The following PIK3CB variants were observed in gnomAD, a reference collection of about 807,000 sequenced individuals.
PIK3CB encodes the protein phosphatidylinositol 4,5-bisphosphate 3-kinase catalytic subunit beta isoform.
A neutral mutation model predicts 136.8 loss-of-function variants in PIK3CB; 39 were observed. That is an observed-to-expected ratio of 0.29 (90% CI 0.22 to 0.37). The LOEUF (loss-of-function observed/expected upper bound fraction) is 0.37. Ranked by LOEUF, PIK3CB falls within the 10% of genes least tolerant of loss-of-function variation. The pLI is 1.00. For synonymous variants in PIK3CB, 428 were observed against 436.6 expected (o/e 0.98, Z 0.25); for missense variants, 868 against 1,275.4 (o/e 0.68, Z 4.87).
chr3:138,703,804 G>A (rs908353032), intron 12 of PIK3CB, among the ~76,000 whole-genome samples: 3 of 152,030 alleles, frequency 2.0e-5, no homozygotes, highest in Admixed American at 1.3e-4. Context: ...TTAGCCAAGC[G>A]CATGACTGAT....
chr3:138,749,520 T>C lies in PIK3CB; in HGVS notation c.397+6234A>G, dbSNP rs1028197414. Among the ~76,000 whole-genome samples the C allele has an allele frequency of 2.0e-5, 3 of 152,212 alleles. No homozygotes were observed. In the South Asian group the frequency reaches 6.2e-4, roughly 32 times the overall value. On this transcript the variant is annotated intron_variant, in intron 4 of 23. Transcript: ENST00000674063. Reference sequence around the variant, plus strand: ...TCAATAGCTTCCCAAGTGTTCTTAGTAGTAAAGCTCTACTTTTTACATGGC... The same window carrying C: ...TCAATAGCTTCCCAAGTGTTCTTAGCAGTAAAGCTCTACTTTTTACATGGC...
intron 4 of PIK3CB, among the ~76,000 whole-genome samples, chr3:138,748,048 T>C (rs925188623): frequency 2.0e-5 from 3 of 152,120 alleles, no homozygotes; most frequent in African/African-American, 7.2e-5. Context: ...GATAATACCC[T>C]GTGCTGGAAG....
intron 2 of PIK3CB, among the ~76,000 whole-genome samples, chr3:138,767,324 C>T (rs2045745751): frequency 6.6e-6 from 1 of 152,204 alleles, no homozygotes; most frequent in Non-Finnish European, 1.5e-5. Flanking sequence ...CATTACCTAA[C>T]AGTAGCACTT....
intron 8 of PIK3CB, among the ~76,000 whole-genome samples, chr3:138,720,358 C>G (rs2044701090): frequency 6.6e-6 from 1 of 152,202 alleles, no homozygotes; most frequent in Non-Finnish European, 1.5e-5. Flanking sequence ...GTAGCCATCA[C>G]TAAGACCTCT....
At chr3:138,782,244 G>A (rs530526765) in intron 2 of PIK3CB, among the ~76,000 whole-genome samples, 14 of 152,178 alleles carry the variant, frequency 9.2e-5, no homozygotes, top group African/African-American at 1.7e-4. Flanking sequence ...GTTTGTACTC[G>A]GGCCTGGATA....
intron 1 of PIK3CB, among the ~76,000 whole-genome samples, chr3:138,803,237 G>A (rs181083240): frequency 1.3e-5 from 2 of 152,306 alleles, no homozygotes; most frequent in East Asian, 3.9e-4. Context: ...GGGAAGGGAG[G>A]TGGTGTCAAG....
intron 21 of PIK3CB, among the ~76,000 whole-genome samples, chr3:138,659,866 CTTTTTTTTTTTTT>C (rs56255742): frequency 1.7e-3 from 130 of 75,458 alleles, no homozygotes; most frequent in Admixed American, 0.011. Context: ...CTTTCCTCTT[CTTTTTTTTTTTTT>C]TTTTTTTTTT....
At chr3:138,780,244 C>T (rs554334721) in intron 2 of PIK3CB, among the ~76,000 whole-genome samples, 3 of 151,938 alleles carry the variant, frequency 2.0e-5, no homozygotes, top group African/African-American at 7.2e-5. Context: ...CATGTGTGAG[C>T]CCACCAGAAA....
In PIK3CB at chr3:138,652,877, T is replaced by C. The variant is rs1015165544; in HGVS notation, c.*2512A>G. On this transcript the variant is annotated 3_prime_UTR_variant, in exon 24 of 24. Coordinates refer to ENST00000674063, the MANE Select transcript of PIK3CB (RefSeq NM_006219.3). ...ATGTACCCCATATATATATCTACTA[T>C]GTACTCACAAAAATTAAAAATTAAG... 2 of 215,274 alleles carry C rather than the reference T, an allele frequency of 9.3e-6. No individual in the cohort carries two copies. Among genetic ancestry groups the C allele is most frequent in the African/African-American group, 2.3e-5 (1 of 44,422 alleles). 13.3% of individuals were successfully genotyped at this position (215,274 alleles called of 1,614,324 possible). A position where few individuals can be genotyped will look rare whatever the true frequency, so the allele number is the denominator to read the frequency against.
intron 1 of PIK3CB, among the ~76,000 whole-genome samples, chr3:138,817,328 C>A (rs866011227): frequency 6.6e-6 from 1 of 151,246 alleles, no homozygotes; most frequent in Non-Finnish European, 1.5e-5. Flanking sequence ...GACAGCGAGA[C>A]TCCATCTCAA....
In PIK3CB at chr3:138,701,553, G is replaced by A. The variant is rs187947494; in HGVS notation, c.1582-2458C>T. On this transcript the variant is annotated intron_variant, in intron 12 of 23. Transcript: ENST00000674063. ...TGTAATCCCAGCACTTTGGGAGGCC[G>A]AGACGGGCAGATCACGGGGTCAAGA... Among the ~76,000 whole-genome samples, 6 of 152,068 alleles carry A rather than the reference G, an allele frequency of 3.9e-5. No homozygotes were observed. The East Asian group carries it at 5.8e-4, about 15-fold the overall frequency.
intron 8 of PIK3CB, among the ~76,000 whole-genome samples, chr3:138,716,359 A>G (rs1221109944): frequency 6.6e-6 from 1 of 152,112 alleles, no homozygotes; most frequent in Admixed American, 6.5e-5. Flanking sequence ...AACCTGTGCA[A>G]GTCTCTCTCA....
intron 19 of PIK3CB, among the ~76,000 whole-genome samples, chr3:138,676,863 A>T (rs1396476548): frequency 6.6e-6 from 1 of 152,160 alleles, no homozygotes; most frequent in African/African-American, 2.4e-5. Context: ...TGGGGGTAAC[A>T]GCTAAGGAGT....
chr3:138,696,016 C>A, intron 13 of PIK3CB, among the ~76,000 whole-genome samples: 1 of 150,158 alleles, frequency 6.7e-6, no homozygotes, highest in East Asian at 2.0e-4. Context: ...GGTGATCCAC[C>A]CACCTTGGCC....
intron 10 of PIK3CB, among the ~76,000 whole-genome samples, chr3:138,709,456 A>C (rs2044449581): frequency 1.3e-5 from 2 of 152,182 alleles, no homozygotes; most frequent in Admixed American, 1.3e-4. Context: ...AGGGGGAAAA[A>C]CAGGAATCGA....
chr3:138,736,271 T>TA (rs1282692935), intron 6 of PIK3CB, among the ~76,000 whole-genome samples: 1 of 152,190 alleles, frequency 6.6e-6, no homozygotes, highest in Non-Finnish European at 1.5e-5. Flanking sequence ...GCACATAAGT[T>TA]ATAACTGCTC....
intron 1 of PIK3CB, among the ~76,000 whole-genome samples, chr3:138,820,235 A>C (rs1933501090): frequency 1.3e-5 from 2 of 152,278 alleles, no homozygotes; most frequent in Admixed American, 1.3e-4. Context: ...CCCTGCTCTC[A>C]TTCCTGAAAC....
chr3:138,691,846 G>C (rs1165201107), intron 14 of PIK3CB, among the ~76,000 whole-genome samples: 1 of 152,120 alleles, frequency 6.6e-6, no homozygotes, highest in African/African-American at 2.4e-5. Flanking sequence ...TTCTGATCAT[G>C]CTAAAAAATT....
intron 14 of PIK3CB, 141 bp downstream of exon 14, chr3:138,694,645 G>T: frequency 1.2e-6 from 1 of 810,912 alleles, no homozygotes. Flanking sequence ...TTGGGGAGCT[G>T]GCAGGAGTAC....
Sources: gnomAD v4.1 joint callset for allele counts (sites outside exome capture counted in the v4.1 genomes callset) on GRCh38, gnomAD v4.1.1 for gene constraint, MANE v1.5 for transcripts, NCBI Gene and HGNC (gene_info 2026-07-23, HGNC 2026-07-21) for gene names.